Variants in COA7 observed in about 807,000 individuals in gnomAD.
COA7 encodes the protein Sel1 repeat containing 1.
In COA7, 12 loss-of-function variants were observed where a neutral mutation model predicts 21.0. The ratio of observed to expected loss-of-function variants is 0.57; its 90% CI spans 0.37 to 0.92. COA7 has a LOEUF of 0.92. COA7 is among the 40% of genes least tolerant of loss of function. COA7 has a pLI of 0.01. For missense variants in COA7, 240 were observed against 286.1 expected (o/e 0.84, Z 1.16); for synonymous variants, 95 against 107.4 (o/e 0.88, Z 0.72).
chr1:52,697,289 A>G (rs1366347007), intron 1 of COA7, among the ~76,000 whole-genome samples: 3 of 152,146 alleles, frequency 2.0e-5, no homozygotes, highest in Non-Finnish European at 4.4e-5. Context: ...AACCACCCAA[A>G]GGTATTAGCT....
At chr1:52,692,629 T>G in intron 2 of COA7, 98 bp downstream of exon 2, 1 of 1,392,412 alleles carries the variant, frequency 7.2e-7, no homozygotes, top group Non-Finnish European at 1.0e-6. Context: ...ACTTTCCCAA[T>G]GCCTGCGAGA....
chr1:52,692,306 G>C (rs1381634005), intron 2 of COA7, among the ~76,000 whole-genome samples: 1 of 152,166 alleles, frequency 6.6e-6, no homozygotes, highest in African/African-American at 2.4e-5. Flanking sequence ...TAAACACTAT[G>C]CCAGTGATAA....
At chr1:52,691,442 G>A (rs1296779311) in intron 2 of COA7, among the ~76,000 whole-genome samples, 1 of 148,880 alleles carries the variant, frequency 6.7e-6, no homozygotes, top group South Asian at 2.1e-4. Context: ...CCTGTCAAAG[G>A]TCCTATTACT....
chr1:52,688,025 A>G lies in COA7; in HGVS notation c.391T>C (p.Leu131=), dbSNP rs755495562. The G allele has an allele frequency of 1.2e-6, 2 of 1,614,180 alleles. No individual in the cohort carries two copies. The highest frequency in any genetic ancestry group is 1.7e-6 in the Non-Finnish European group (2 of 1,180,036). The change falls in exon 3 of 3, where the codon TTG becomes CTG. Residue 131 remains leucine (L), a synonymous_variant. Coordinates refer to ENST00000371538, the MANE Select transcript of COA7 (RefSeq NM_023077.3). Reference sequence around the variant, plus strand: ...GTGTAGTAGTCCCTGGCCTTTCCCAAGTCAGGCTGGCCATCCTCATTAACC... The same window carrying G: ...GTGTAGTAGTCCCTGGCCTTTCCCAGGTCAGGCTGGCCATCCTCATTAACC... ...GQVNEDGQPD[L]GKARDYYTRA...
intron 2 of COA7, among the ~76,000 whole-genome samples, chr1:52,688,671 A>C (rs1354893890): frequency 6.6e-6 from 1 of 152,102 alleles, no homozygotes; most frequent in Non-Finnish European, 1.5e-5. Flanking sequence ...ACAGAGCAAG[A>C]CTTTACCTCA....
At chr1:52,692,535 C>G (rs1021104570) in intron 2 of COA7, among the ~76,000 whole-genome samples, 192 bp downstream of exon 2, 1 of 152,200 alleles carries the variant, frequency 6.6e-6, no homozygotes, top group African/African-American at 2.4e-5. Flanking sequence ...CAATAGCATT[C>G]CCTAAGGTTT....
At chr1:52,692,096 G>A (rs987685518) in intron 2 of COA7, among the ~76,000 whole-genome samples, 4 of 152,134 alleles carry the variant, frequency 2.6e-5, no homozygotes, top group South Asian at 2.1e-4. Flanking sequence ...AGCCATCAGA[G>A]TGAGTCATCT....
rs1289526604 is a variant in COA7 at position 52,684,689 on chromosome 1, T to C, written c.*3031A>G. ...TCTTGGTGTTGTACATTTTAGGGGG[T>C]TGGACATATGTACAATGACAGGTAT... On this transcript the variant is annotated 3_prime_UTR_variant, in exon 3 of 3. Transcript: ENST00000371538. 1 of 152,018 alleles carries C rather than the reference T, an allele frequency of 6.6e-6. No homozygotes were observed. The highest frequency in any genetic ancestry group is 1.5e-5 in the Non-Finnish European group (1 of 68,006). The allele number at this position is 152,018 out of a possible 1,614,324, so 9.4% of individuals were successfully genotyped here.
chr1:52,688,319 C>G, intron 2 of COA7, 151 bp from the exon 3 acceptor site: 1 of 649,852 alleles, frequency 1.5e-6, no homozygotes, highest in African/African-American at 1.8e-5. Flanking sequence ...TCACGGCTCA[C>G]TGCAGCCTCA....
chr1:52,690,381 T>C (rs1644036569), intron 2 of COA7, among the ~76,000 whole-genome samples: 2 of 151,844 alleles, frequency 1.3e-5, no homozygotes, highest in Admixed American at 1.3e-4. Context: ...ATTCCAGTCA[T>C]CTTTGTAGCA....
At chr1:52,696,652 CT>C (rs899119965) in intron 1 of COA7, among the ~76,000 whole-genome samples, 3 of 151,370 alleles carry the variant, frequency 2.0e-5, no homozygotes, top group African/African-American at 7.3e-5. Flanking sequence ...GCCAGTGCCA[CT>C]TTTTTTCTTT....
rs1215039774 is a variant in COA7, at chr1:52,687,095, A to G, written c.*625T>C. ...TGAAGCATAACAGCCTTTAAGCTGT[A>G]TGTTGCACGTCCCTCTTGATCTCTG... is the stretch of plus-strand genomic sequence containing the variant. On this transcript the variant is annotated 3_prime_UTR_variant, in exon 3 of 3. Transcript: ENST00000371538. 1 of 153,576 alleles carries G rather than the reference A, an allele frequency of 6.5e-6. No homozygotes were observed. Among genetic ancestry groups the G allele is most frequent in the African/African-American group, 2.4e-5 (1 of 41,430 alleles). 9.5% of individuals were successfully genotyped at this position (153,576 alleles called of 1,614,324 possible).
chr1:52,693,886 G>A (rs1430219838), intron 1 of COA7, among the ~76,000 whole-genome samples: 1 of 152,102 alleles, frequency 6.6e-6, no homozygotes, highest in African/African-American at 2.4e-5. Flanking sequence ...TACCAGACAT[G>A]GTTCTAGATG....
At chr1:52,692,931 G>A in intron 1 of COA7, 64 bp from the exon 2 acceptor site, 3 of 1,585,736 alleles carry the variant, frequency 1.9e-6, no homozygotes, top group East Asian at 4.5e-5. Flanking sequence ...GGGGACTTGG[G>A]GGTAGGGGGT....
intron 2 of COA7, among the ~76,000 whole-genome samples, chr1:52,689,969 G>A (rs536341365): frequency 2.0e-5 from 3 of 150,798 alleles, no homozygotes; most frequent in East Asian, 2.0e-4. Context: ...GGAGCTTGCA[G>A]TGAGCAGAGA....
At chr1:52,691,227 C>G (rs969208310) in intron 2 of COA7, among the ~76,000 whole-genome samples, 1 of 151,588 alleles carries the variant, frequency 6.6e-6, no homozygotes, top group African/African-American at 2.4e-5. Context: ...ACCAGCCTGA[C>G]AACATAGTGA....
chr1:52,690,513 A>G (rs1327212718), intron 2 of COA7, among the ~76,000 whole-genome samples: 1 of 152,052 alleles, frequency 6.6e-6, no homozygotes, highest in African/African-American at 2.4e-5. Context: ...AATTTATCAG[A>G]AGAAAACCAA....
In COA7 at chr1:52,697,490, C is replaced by T. The variant is rs760504749; in HGVS notation, c.106+731G>A. On this transcript the variant is annotated intron_variant, in intron 1 of 2. Transcript: ENST00000371538. ...CAATTGCCACTTTCTCAGTGATCTT[C>T]CCTGATCACTCAATTTAAAACTGCC... Among the ~76,000 whole-genome samples, 11 of 152,202 alleles carry T rather than the reference C, an allele frequency of 7.2e-5. 1 individual carries two copies. The highest frequency in any genetic ancestry group is 6.2e-4 in the South Asian group (3 of 4,818).
intron 2 of COA7, among the ~76,000 whole-genome samples, chr1:52,688,467 T>TA (rs1220795156): frequency 6.6e-6 from 1 of 152,098 alleles, no homozygotes; most frequent in Non-Finnish European, 1.5e-5. Context: ...AGGCTAGTCT[T>TA]AAACTCTGGG....
Sources: allele counts gnomAD v4.1 joint callset (sites outside exome capture counted in the v4.1 genomes callset), GRCh38; gene constraint gnomAD v4.1.1; transcripts MANE v1.5; gene names NCBI Gene and HGNC (gene_info 2026-07-23, HGNC 2026-07-21).